The following SPRR2G variants were observed in gnomAD, a reference collection of about 807,000 sequenced individuals.
SPRR2G encodes the protein small proline rich protein 2G.
In SPRR2G, 1 loss-of-function variant was observed where a neutral mutation model predicts 0.7. That is an observed-to-expected ratio of 1.49 (90% CI 0.53 to 7.06). The LOEUF (loss-of-function observed/expected upper bound fraction) is 7.06, where lower values mean the gene tolerates loss of function less well. Ranked by LOEUF, SPRR2G falls within the 30% of genes most tolerant of loss-of-function variation. The pLI is 0.14. For missense variants in SPRR2G, 96 were observed against 88.5 expected, an observed-to-expected ratio of 1.09 and a Z score of -0.34; for synonymous variants, 38 against 33.9, an observed-to-expected ratio of 1.12 and a Z score of -0.42.
At position 153,149,709 on chromosome 1, in the gene SPRR2G, C is replaced by T. The variant is rs987777401; in HGVS notation, c.*180G>A. 13 of 762,766 alleles carry T rather than the reference C, an allele frequency of 1.7e-5. 1 individual carries two copies. In the South Asian group the frequency reaches 2.3e-4, roughly 14 times the overall value. 47.2% of individuals were successfully genotyped at this position (762,766 alleles called of 1,614,324 possible). The stretch of plus-strand genomic sequence containing the variant: ...GAGATTAGGCAGTGATCTGGCTGCT[C>T]ATCTTCCAACAACATATCGGTTTTC... On this transcript the variant is annotated 3_prime_UTR_variant, in exon 2 of 2. Coordinates refer to ENST00000368748, the MANE Select transcript of SPRR2G (RefSeq NM_001014291.4).
chr1:153,157,921 G>C, the SPRR2G span, among the ~76,000 whole-genome samples: 2 of 149,450 alleles, frequency 1.3e-5, 1 homozygote, highest in Non-Finnish European at 3.0e-5. Flanking sequence ...AGACAGAGAG[G>C]GGGGTGGGAG....
At chr1:153,154,120 T>G (rs888322345), upstream of SPRR2G, among the ~76,000 whole-genome samples, 25 of 152,106 alleles carry the variant, frequency 1.6e-4, no homozygotes, top group African/African-American at 6.0e-4. Flanking sequence ...TGTATCACAT[T>G]TATTGATTTG....
At chr1:153,182,072 C>A in the SPRR2G span, among the ~76,000 whole-genome samples, 1 of 152,100 alleles carries the variant, frequency 6.6e-6, no homozygotes, top group African/African-American at 2.4e-5. Context: ...TCCTCTCAAG[C>A]ATCTGTTATT....
the SPRR2G span, among the ~76,000 whole-genome samples, chr1:153,162,013 C>G: frequency 6.6e-6 from 1 of 151,878 alleles, no homozygotes; most frequent in Non-Finnish European, 1.5e-5. Context: ...TGTTGTTTAA[C>G]TTTTATTTTA....
chr1:153,163,571 A>C, the SPRR2G span, among the ~76,000 whole-genome samples: 216 of 152,252 alleles, frequency 1.4e-3, 3 homozygotes, highest in African/African-American at 5.1e-3. Flanking sequence ...GCAAGTTTCA[A>C]AGCAAGAGGG....
At chr1:153,174,960 C>T in the SPRR2G span, among the ~76,000 whole-genome samples, 1 of 152,164 alleles carries the variant, frequency 6.6e-6, no homozygotes, top group Non-Finnish European at 1.5e-5. Context: ...CCTCAGGCAG[C>T]AGGCTGTACC....
the SPRR2G span, among the ~76,000 whole-genome samples, chr1:153,193,919 T>C: frequency 6.6e-6 from 1 of 152,110 alleles, no homozygotes; most frequent in South Asian, 2.1e-4. Context: ...CCAGAGCCCC[T>C]TGCACACTTC....
chr1:153,171,719 C>G, the SPRR2G span, among the ~76,000 whole-genome samples: 1 of 152,162 alleles, frequency 6.6e-6, no homozygotes, highest in Non-Finnish European at 1.5e-5. Flanking sequence ...AGATGGTGGT[C>G]CCATCTCCCT....
chr1:153,177,283 G>C, the SPRR2G span, among the ~76,000 whole-genome samples: 12 of 152,192 alleles, frequency 7.9e-5, no homozygotes, highest in South Asian at 2.5e-3. Context: ...ATTACAATTT[G>C]GGGCTATATG....
the SPRR2G span, among the ~76,000 whole-genome samples, chr1:153,156,262 C>A: frequency 1.3e-5 from 2 of 152,154 alleles, no homozygotes; most frequent in African/African-American, 4.8e-5. Flanking sequence ...GACATCTCAT[C>A]TTTCCACTAC....
chr1:153,159,118 C>G, the SPRR2G span, among the ~76,000 whole-genome samples: 4,709 of 152,296 alleles, frequency 0.031, 243 homozygotes, highest in African/African-American at 0.11. Flanking sequence ...TCCTTTCCTG[C>G]TTACTTATGC....
At chr1:153,183,218 G>T in the SPRR2G span, among the ~76,000 whole-genome samples, 1 of 136,276 alleles carries the variant, frequency 7.3e-6, no homozygotes, top group South Asian at 2.7e-4. Flanking sequence ...ATCCCAAGTA[G>T]CTGGGATTAC....
At chr1:153,191,485 T>C in the SPRR2G span, 1 of 152,234 alleles carries the variant, frequency 6.6e-6, no homozygotes, top group Non-Finnish European at 1.5e-5. Context: ...CTATTGATAT[T>C]TCTTGTATTA....
At chr1:153,159,683 T>C in the SPRR2G span, among the ~76,000 whole-genome samples, 86 of 152,316 alleles carry the variant, frequency 5.6e-4, no homozygotes, top group Middle Eastern at 3.4e-3. Context: ...CTCACAGTTT[T>C]GCATGGCTAG....
At chr1:153,200,144 T>G in the SPRR2G span, among the ~76,000 whole-genome samples, 11 of 152,204 alleles carry the variant, frequency 7.2e-5, no homozygotes, top group Non-Finnish European at 1.5e-4. Flanking sequence ...TTACTATCTT[T>G]TATCAATAAC....
chr1:153,199,824 C>G, the SPRR2G span, among the ~76,000 whole-genome samples: 1 of 151,816 alleles, frequency 6.6e-6, no homozygotes, highest in Non-Finnish European at 1.5e-5. Flanking sequence ...AGATTTCATT[C>G]CAAGAGAAAG....
chr1:153,202,256 T>C, the SPRR2G span, among the ~76,000 whole-genome samples: 6 of 152,156 alleles, frequency 3.9e-5, no homozygotes, highest in Non-Finnish European at 7.4e-5. Flanking sequence ...ACCCATGAGG[T>C]AGCATGAAGA....
At chr1:153,195,175 T>C in the SPRR2G span, among the ~76,000 whole-genome samples, 27 of 152,266 alleles carry the variant, frequency 1.8e-4, no homozygotes, top group African/African-American at 6.5e-4. Context: ...AAAGAGGCTC[T>C]TCTGAAGCCT....
At chr1:153,186,985 T>G in the SPRR2G span, among the ~76,000 whole-genome samples, 2 of 152,246 alleles carry the variant, frequency 1.3e-5, no homozygotes, top group Non-Finnish European at 2.9e-5. Flanking sequence ...TATGAAATTC[T>G]GGGTTGAAAA....
Sources: allele counts gnomAD v4.1 joint callset (sites outside exome capture counted in the v4.1 genomes callset), GRCh38; gene constraint gnomAD v4.1.1; transcripts MANE v1.5; gene names NCBI Gene and HGNC (gene_info 2026-07-23, HGNC 2026-07-21).